Variants in RMND1 observed in about 807,000 individuals in gnomAD.
RMND1 encodes the protein required for meiotic nuclear division protein 1 homolog.
RMND1 carries 41 observed loss-of-function variants against 54.0 expected under a neutral mutation model. The observed-to-expected ratio is 0.76, with a 90% CI of 0.59 to 0.98. The LOEUF (loss-of-function observed/expected upper bound fraction) is 0.98. Ranked by LOEUF, RMND1 falls within the 50% of genes least tolerant of loss-of-function variation. The pLI is 0.00. For missense variants in RMND1, 457 were observed against 532.0 expected (o/e 0.86, Z 1.39); for synonymous variants, 183 against 181.7 (o/e 1.01, Z -0.06).
intron 6 of RMND1, among the ~76,000 whole-genome samples, chr6:151,427,154 G>A (rs1055676841): frequency 5.7e-4 from 87 of 152,000 alleles, no homozygotes; most frequent in Non-Finnish European, 8.2e-4. Context: ...TGAGGTGGGC[G>A]GATCACCAGG....
At chr6:151,447,807 ATTCT>A (rs1781000936) in intron 1 of RMND1, among the ~76,000 whole-genome samples, 1 of 137,522 alleles carries the variant, frequency 7.3e-6, no homozygotes, top group African/African-American at 2.8e-5. Context: ...CTTTGAGTAA[ATTCT>A]TTTTTTTTTT....
intron 9 of RMND1, chr6:151,421,007 G>A: frequency 2.8e-6 from 1 of 352,830 alleles, no homozygotes; most frequent in Admixed American, 4.4e-5. Flanking sequence ...CTTAATGTGG[G>A]TTTAATGTAG....
intron 1 of RMND1, among the ~76,000 whole-genome samples, chr6:151,450,321 C>T (rs1482764033): frequency 2.7e-5 from 4 of 147,300 alleles, no homozygotes; most frequent in African/African-American, 7.5e-5. Context: ...AGTGAGGAGA[C>T]CCTCCGCCCG....
At chr6:151,410,345 G>C (rs551432018) in intron 10 of RMND1, among the ~76,000 whole-genome samples, 1 of 152,022 alleles carries the variant, frequency 6.6e-6, no homozygotes, top group African/African-American at 2.4e-5. Flanking sequence ...ATGAGCCACC[G>C]CACCCGGCCT....
intron 6 of RMND1, among the ~76,000 whole-genome samples, chr6:151,425,659 T>C (rs1418624777): frequency 6.6e-6 from 1 of 152,236 alleles, no homozygotes; most frequent in Non-Finnish European, 1.5e-5. Flanking sequence ...CTCTCAGGTT[T>C]ATATCCTTAC....
chr6:151,438,419 AGATAAGCAG>A (rs1258886197), intron 2 of RMND1, among the ~76,000 whole-genome samples: 1 of 152,182 alleles, frequency 6.6e-6, no homozygotes, highest in Non-Finnish European at 1.5e-5. Context: ...CACAAAAAGG[AGATAAGCAG>A]GTCACAAGCT....
At position 151,436,551 on chromosome 6, in the gene RMND1, G is replaced by C. The variant is rs753978096; in HGVS notation, c.508C>G (p.Leu170Val). 2 of 1,613,672 alleles carry C rather than the reference G, an allele frequency of 1.2e-6. No homozygotes were observed. Among genetic ancestry groups the C allele is most frequent in the Non-Finnish European group, 1.7e-6 (2 of 1,179,688 alleles). ...GTTGCAAATGCTGTGCAGTGCATTA[G>C]GTCCTGTTCCAGGGAAATGAGCATA... ...NLPVLSVNED[L>V]MHCTAFATAD... Residue 170 changes from leucine to valine, a missense_variant, in exon 3 of 12, where the codon CTA (leucine) becomes GTA (valine). Transcript: ENST00000444024.
At chr6:151,415,510 G>T (rs978288921) in intron 10 of RMND1, among the ~76,000 whole-genome samples, 4 of 151,920 alleles carry the variant, frequency 2.6e-5, no homozygotes, top group Admixed American at 2.0e-4. Context: ...TTTGATACAA[G>T]CAACAATTTG....
chr6:151,419,437 C>G (rs1780095073), intron 9 of RMND1, among the ~76,000 whole-genome samples: 1 of 151,826 alleles, frequency 6.6e-6, no homozygotes, highest in African/African-American at 2.4e-5. Flanking sequence ...GTGGCTCACA[C>G]CTGTAATCCC....
intron 9 of RMND1, chr6:151,420,581 C>T (rs2114934580): frequency 6.6e-6 from 1 of 152,268 alleles, no homozygotes; most frequent in East Asian, 1.9e-4. Context: ...AATGATTCAT[C>T]AGTTTTTAGA....
chr6:151,416,420 CTTTT>C (rs10557273), intron 10 of RMND1, among the ~76,000 whole-genome samples: 2 of 93,696 alleles, frequency 2.1e-5, no homozygotes, highest in Admixed American at 1.3e-4. Context: ...ATCACTACAG[CTTTT>C]TTTTTTTTTT....
intron 7 of RMND1, 35 bp from the exon 8 acceptor site, chr6:151,422,640 T>C: frequency 9.6e-7 from 1 of 1,039,036 alleles, no homozygotes; most frequent in Non-Finnish European, 1.4e-6. Context: ...CATTTCTTTA[T>C]CATCATATTC....
At position 151,412,332 on chromosome 6, in the gene RMND1, T is replaced by TA. The variant is rs1186988167; in HGVS notation, c.1200+4946dup. Among the ~76,000 whole-genome samples, 3 of 145,248 alleles carry TA rather than the reference T, an allele frequency of 2.1e-5. No homozygotes were observed. In the Admixed American group the frequency reaches 2.1e-4, roughly 10 times the overall value. On this transcript the variant is annotated intron_variant, in intron 10 of 11. Coordinates refer to ENST00000444024, the MANE Select transcript of RMND1 (RefSeq NM_017909.4). The stretch of plus-strand genomic sequence containing the variant: ...TTGCTTTTTAATTTTTTTTTTTTTT[T>TA]AAAGAGATGGGCGGGGGTATCACTA...
intron 10 of RMND1, chr6:151,416,870 C>G (rs114195427): frequency 0.013 from 2,081 of 154,814 alleles, 37 homozygotes; most frequent in African/African-American, 0.044. Context: ...CTTGTCACCT[C>G]CAGGCAAACA....
chr6:151,445,780 C>T lies in RMND1; in HGVS notation c.32G>A (p.Arg11Lys). Residue 11 changes from arginine to lysine, a missense_variant, in exon 2 of 12, where the codon AGA becomes AAA. Physicochemically the swap from Arg to Lys is conservative, Grantham distance 26 (BLOSUM62 2). Transcript: ENST00000444024. Reference sequence around the variant, plus strand: ...TGCTTTTGATAATATATGATGAGATCTGGCCACGGCTCTGAGGAGTGTGGC... The same window carrying T: ...TGCTTTTGATAATATATGATGAGATTTGGCCACGGCTCTGAGGAGTGTGGC... Reference protein sequence around the residue: MPATLLRAVARSHHILSKAHQ... With the variant: MPATLLRAVAKSHHILSKAHQ... The T allele has an allele frequency of 4.3e-6, 7 of 1,612,048 alleles. No homozygotes were observed. Among genetic ancestry groups the T allele is most frequent in the Non-Finnish European group, 5.9e-6 (7 of 1,179,472 alleles).
intron 1 of RMND1, 146 bp downstream of exon 1, chr6:151,451,870 G>T (rs1033849958): frequency 1.3e-5 from 2 of 152,216 alleles, no homozygotes; most frequent in Non-Finnish European, 2.9e-5. Context: ...TCCCAGCTAA[G>T]CTGACCAAAG....
intron 2 of RMND1, among the ~76,000 whole-genome samples, chr6:151,443,860 T>C (rs1381925522): frequency 6.6e-6 from 1 of 152,250 alleles, no homozygotes. Context: ...GAGTTCCTCT[T>C]TTAATTACTG....
chr6:151,414,485 G>C (rs1196570919), intron 10 of RMND1, among the ~76,000 whole-genome samples: 1 of 152,170 alleles, frequency 6.6e-6, no homozygotes, highest in Non-Finnish European at 1.5e-5. Flanking sequence ...AGAGGTATCT[G>C]AGGTTAGGTA....
intron 3 of RMND1, among the ~76,000 whole-genome samples, chr6:151,434,116 A>G (rs1780531474): frequency 6.6e-6 from 1 of 152,156 alleles, no homozygotes; most frequent in Admixed American, 6.6e-5. Flanking sequence ...CCCAAAGTGC[A>G]TTACAAGCAT....
Sources: gnomAD v4.1 joint callset for allele counts (sites outside exome capture counted in the v4.1 genomes callset) on GRCh38, gnomAD v4.1.1 for gene constraint, MANE v1.5 for transcripts, NCBI Gene and HGNC (gene_info 2026-07-23, HGNC 2026-07-21) for gene names.